The following ATXN1 variants were observed in gnomAD, a reference collection of about 807,000 sequenced individuals.
ATXN1 encodes the protein ataxin-1.
Under a neutral mutation model 56.4 loss-of-function variants are expected in ATXN1, and 8 were observed. That is an observed-to-expected ratio of 0.14 (90% CI 0.08 to 0.26). ATXN1 has a LOEUF of 0.26. Ranked by LOEUF, ATXN1 falls within the 10% of genes least tolerant of loss-of-function variation. The probability of loss-of-function intolerance (pLI) is 1.00; values close to 1 mark genes in which losing one functional copy is unlikely to be tolerated. For missense variants in ATXN1, 987 were observed against 1,106.5 expected, an observed-to-expected ratio of 0.89 and a Z score of 1.53; for synonymous variants, 514 against 494.6, an observed-to-expected ratio of 1.04 and a Z score of -0.52.
chr6:16,451,720 T>G (rs235160), intron 6 of ATXN1, among the ~76,000 whole-genome samples: 1 of 151,638 alleles, frequency 6.6e-6, no homozygotes, highest in African/African-American at 2.4e-5. Context: ...GTGCCATTGC[T>G]CTCCAGCGTG....
chr6:16,537,442 C>T lies in ATXN1; in HGVS notation c.-360-14754G>A, dbSNP rs182186892. On this transcript the variant is annotated intron_variant, in intron 4 of 7. Transcript: ENST00000436367. ...TGTTCTGGCCGGGCGCGGTGGCTCA[C>T]GCATGTAATCCCAGCACTTTGGGAG... Among the ~76,000 whole-genome samples, 483 of 152,034 alleles carry T rather than the reference C, an allele frequency of 3.2e-3. 1 individual carries two copies. The highest frequency in any genetic ancestry group is 0.011 in the African/African-American group (460 of 41,450).
chr6:16,622,715 G>T (rs1052842175), intron 3 of ATXN1, among the ~76,000 whole-genome samples: 1 of 152,152 alleles, frequency 6.6e-6, no homozygotes, highest in Non-Finnish European at 1.5e-5. Flanking sequence ...TAGTGTGTAT[G>T]TGATATTTTA....
At chr6:16,646,336 G>T (rs1013585832) in intron 3 of ATXN1, among the ~76,000 whole-genome samples, 1 of 152,088 alleles carries the variant, frequency 6.6e-6, no homozygotes, top group East Asian at 1.9e-4. Flanking sequence ...GTGGCTCTCC[G>T]CCACTTAAGA....
chr6:16,357,925 T>G (rs1761724439), intron 6 of ATXN1, among the ~76,000 whole-genome samples: 1 of 152,114 alleles, frequency 6.6e-6, no homozygotes, highest in South Asian at 2.1e-4. Flanking sequence ...CCATTTAGCT[T>G]TACGTGGCTC....
intron 5 of ATXN1, among the ~76,000 whole-genome samples, chr6:16,504,188 G>T (rs1760938593): frequency 6.6e-6 from 1 of 152,092 alleles, no homozygotes; most frequent in African/African-American, 2.4e-5. Flanking sequence ...AGCAGTTTGG[G>T]CTGCTCAAAA....
chr6:16,667,785 G>A (rs1758457107), intron 2 of ATXN1, among the ~76,000 whole-genome samples: 1 of 152,134 alleles, frequency 6.6e-6, no homozygotes, highest in Non-Finnish European at 1.5e-5. Flanking sequence ...TGTCCCCTTT[G>A]CTTATTATTT....
intron 5 of ATXN1, among the ~76,000 whole-genome samples, chr6:16,497,939 T>C (rs560562456): frequency 6.6e-6 from 1 of 152,268 alleles, no homozygotes; most frequent in South Asian, 2.1e-4. Flanking sequence ...TAAGGCTATA[T>C]GTGCAGGATT....
chr6:16,661,130 C>T (rs1758312101), intron 2 of ATXN1, among the ~76,000 whole-genome samples: 1 of 151,904 alleles, frequency 6.6e-6, no homozygotes, highest in Non-Finnish European at 1.5e-5. Context: ...AGCCACCGCA[C>T]CTGGCCCAGG....
At chr6:16,537,293 C>T (rs912047342) in intron 4 of ATXN1, among the ~76,000 whole-genome samples, 7 of 152,114 alleles carry the variant, frequency 4.6e-5, no homozygotes, top group Non-Finnish European at 7.3e-5. Flanking sequence ...TCAATGGCCT[C>T]GCCAACCGCC....
At chr6:16,339,848 T>C (rs747449396) in intron 6 of ATXN1, among the ~76,000 whole-genome samples, 5 of 152,208 alleles carry the variant, frequency 3.3e-5, no homozygotes, top group African/African-American at 4.8e-5. Context: ...AGTGGCGTGA[T>C]CTCGGCTCAC....
At chr6:16,668,367 C>T (rs943571263) in intron 2 of ATXN1, among the ~76,000 whole-genome samples, 24 of 148,902 alleles carry the variant, frequency 1.6e-4, no homozygotes, top group African/African-American at 5.2e-4. Context: ...ACAACAGGCC[C>T]CAGTGTGTGA....
intron 6 of ATXN1, among the ~76,000 whole-genome samples, chr6:16,385,008 C>G (rs1045089652): frequency 6.6e-6 from 1 of 152,044 alleles, no homozygotes; most frequent in African/African-American, 2.4e-5. Context: ...TCAGTGAGAC[C>G]AGGAGGGAAA....
At chr6:16,627,446 C>T (rs1306131156) in intron 3 of ATXN1, among the ~76,000 whole-genome samples, 1 of 152,142 alleles carries the variant, frequency 6.6e-6, no homozygotes, top group African/African-American at 2.4e-5. Flanking sequence ...ACAGGGTCCT[C>T]GGCCAGGCGC....
intron 6 of ATXN1, among the ~76,000 whole-genome samples, chr6:16,364,310 A>ATT (rs770764085): frequency 6.7e-6 from 1 of 149,182 alleles, no homozygotes; most frequent in Admixed American, 6.7e-5. Flanking sequence ...GAGGTTCTAG[A>ATT]TTTTTTTTTT....
chr6:16,559,359 A>C (rs867477437), intron 4 of ATXN1, among the ~76,000 whole-genome samples: 6 of 151,736 alleles, frequency 4.0e-5, no homozygotes, highest in Middle Eastern at 3.4e-3. Context: ...GTAGCAAGTG[A>C]CTGGAAACAA....
chr6:16,525,827 C>T (rs1309948309), intron 4 of ATXN1, among the ~76,000 whole-genome samples: 1 of 151,246 alleles, frequency 6.6e-6, no homozygotes, highest in Non-Finnish European at 1.5e-5. Context: ...AAAAAAATTA[C>T]AGGACTATGC....
At chr6:16,679,276 GTGGA>G (rs10701438) in intron 2 of ATXN1, among the ~76,000 whole-genome samples, 2,528 of 138,234 alleles carry the variant, frequency 0.018, 57 homozygotes, top group Middle Eastern at 0.026. Context: ...GAGTTAGTGG[GTGGA>G]TGGATGGATG....
At chr6:16,455,242 C>T (rs1223759898) in intron 6 of ATXN1, among the ~76,000 whole-genome samples, 2 of 152,150 alleles carry the variant, frequency 1.3e-5, no homozygotes, top group Non-Finnish European at 2.9e-5. Context: ...ACAAACAACC[C>T]AGTTTTTAAA....
At chr6:16,368,254 A>T (rs1228688362) in intron 6 of ATXN1, among the ~76,000 whole-genome samples, 1 of 151,632 alleles carries the variant, frequency 6.6e-6, no homozygotes, top group Non-Finnish European at 1.5e-5. Flanking sequence ...CTGTGCAGTG[A>T]CCATAATCAC....
Sources: allele counts gnomAD v4.1 joint callset (sites outside exome capture counted in the v4.1 genomes callset), GRCh38; gene constraint gnomAD v4.1.1; transcripts MANE v1.5; gene names NCBI Gene and HGNC (gene_info 2026-07-23, HGNC 2026-07-21).